The following ITPRID2 variants were observed in gnomAD, a reference collection of about 807,000 sequenced individuals.
ITPRID2 encodes protein ITPRID2.
A neutral mutation model predicts 124.3 loss-of-function variants in ITPRID2; 60 were observed. The observed-to-expected ratio is 0.48, with a 90% CI of 0.39 to 0.60. The LOEUF (loss-of-function observed/expected upper bound fraction) is 0.60. Among genes scored for constraint, ITPRID2 ranks in the 20% least tolerant of loss-of-function variants. The pLI is 0.00. For missense variants in ITPRID2, 1,553 were observed against 1,512.2 expected (o/e 1.03, Z -0.45); for synonymous variants, 521 against 542.9 (o/e 0.96, Z 0.56).
chr2:181,926,939 A>C (rs1425369646), intron 16 of ITPRID2, among the ~76,000 whole-genome samples: 2 of 152,212 alleles, frequency 1.3e-5, no homozygotes, highest in African/African-American at 4.8e-5. Flanking sequence ...TATCCAACAC[A>C]TACTTGTTTG....
intron 16 of ITPRID2, among the ~76,000 whole-genome samples, chr2:181,926,799 T>C (rs1427445500): frequency 1.3e-5 from 2 of 152,066 alleles, no homozygotes; most frequent in Non-Finnish European, 2.9e-5. Flanking sequence ...AATGGCCATA[T>C]TGCATTGGTA....
intron 9 of ITPRID2, among the ~76,000 whole-genome samples, chr2:181,911,357 A>C (rs569625924): frequency 6.6e-6 from 1 of 152,330 alleles, no homozygotes; most frequent in Admixed American, 6.5e-5. Flanking sequence ...AAATTATCTT[A>C]ATCTCAAATC....
At chr2:181,899,244 A>G in intron 6 of ITPRID2, 132 bp downstream of exon 6, 1 of 643,326 alleles carries the variant, frequency 1.6e-6, no homozygotes, top group South Asian at 2.2e-5. Context: ...TTCCTGTACC[A>G]GCACAACTGA....
In ITPRID2 at chr2:181,892,052, G is replaced by A. The variant is rs750070702; in HGVS notation, c.-15G>A. ...CGCAGGGTCCGGCTGGGGTAGCGGA[G>A]CCCCCAGTGCGGCCATGGACCGGCC... On this transcript the variant is annotated 5_prime_UTR_variant, in exon 1 of 18. Transcript: ENST00000431877. The surrounding 1 kb of genome is among the most constrained non-coding windows in gnomAD (Gnocchi z 5.2). The A allele has an allele frequency of 6.5e-7, 1 of 1,547,726 alleles. No individual in the cohort carries two copies.
At chr2:181,920,008 C>G (rs549353921) in intron 14 of ITPRID2, among the ~76,000 whole-genome samples, 63 of 152,040 alleles carry the variant, frequency 4.1e-4, no homozygotes, top group African/African-American at 1.4e-3. Context: ...TGTTTTTGTA[C>G]CACTTTTCAT....
chr2:181,909,812 T>C, intron 8 of ITPRID2, 87 bp from the exon 9 acceptor site: 1 of 955,836 alleles, frequency 1.0e-6, no homozygotes, highest in South Asian at 1.5e-5. Flanking sequence ...TGAGTTAGGT[T>C]GATTTGTTTA....
Position 181,919,224 on chromosome 2 carries a change from T to C in ITPRID2, c.2994-72T>C. ...ATGCCTTCTGTTAGCATATAGTAGT[T>C]GTTGAAAGATTTGTGATTAGGAATC... On this transcript the variant is annotated intron_variant, in intron 13 of 17. Transcript: ENST00000431877. This position sits in a 1 kb window ranked among gnomAD's most constrained non-coding sequence, Gnocchi z 4.2. 6.5e-7 allele frequency: 1 copy of C among 1,548,918 alleles called. No individual in the cohort carries two copies. Among genetic ancestry groups the C allele is most frequent in the Non-Finnish European group, 8.8e-7 (1 of 1,131,948 alleles).
intron 16 of ITPRID2, among the ~76,000 whole-genome samples, chr2:181,922,921 C>CA (rs113631537): frequency 0.011 from 1,529 of 141,972 alleles, 21 homozygotes; most frequent in African/African-American, 0.033. Context: ...GACTCCATCT[C>CA]AAAAAAAAAA....
chr2:181,910,492 C>A lies in ITPRID2; in HGVS notation c.1486+521C>A. ...CCTCTCTTAAATTATTAATTATTGA[C>A]CAAAGAACCTTTGAATCCATCCCTT... On this transcript the variant is annotated intron_variant, in intron 9 of 17. Transcript: ENST00000431877. The surrounding 1 kb of genome is among the most constrained non-coding windows in gnomAD (Gnocchi z 4.1). 4.9e-6 allele frequency: 3 copies of A among 611,374 alleles called. No individual in the cohort carries two copies. Among genetic ancestry groups the A allele is most frequent in the Non-Finnish European group, 5.9e-6 (2 of 340,848 alleles). The allele number at this position is 611,374 out of a possible 1,614,324, so 37.9% of individuals were successfully genotyped here.
chr2:181,901,757 T>C lies in ITPRID2; in HGVS notation c.713-9T>C, dbSNP rs189237983. 8.9e-6 allele frequency: 14 copies of C among 1,571,198 alleles called. No homozygotes were observed. Among genetic ancestry groups the C allele is most frequent in the Non-Finnish European group, 1.7e-6 (2 of 1,161,818 alleles). On this transcript the variant is annotated splice_polypyrimidine_tract_variant and intron_variant, in intron 7 of 17. Transcript: ENST00000431877. ...ATAAACATATCATTAATATTGTTTC[T>C]TTTGGTAGGCCGTTTTCGTCAAATT...
In ITPRID2 at chr2:181,910,460, T is replaced by TA. The variant is rs1693512967; in HGVS notation, c.1486+490dup. On this transcript the variant is annotated intron_variant, in intron 9 of 17. Transcript: ENST00000431877. This position sits in a 1 kb window ranked among gnomAD's most constrained non-coding sequence, Gnocchi z 4.1. ...TGGGTCGAAGGTGAGTGGTTGTAGA[T>TA]ACTGTTCCTCTCTTAAATTATTAAT... is the stretch of plus-strand genomic sequence containing the variant. The TA allele has an allele frequency of 1.7e-6, 1 of 572,218 alleles. No individual in the cohort carries two copies. The highest frequency in any genetic ancestry group is 3.5e-5 in the Admixed American group (1 of 28,470). 35.4% of individuals were successfully genotyped at this position (572,218 alleles called of 1,614,324 possible). A position where few individuals can be genotyped will look rare whatever the true frequency, so the allele number is the denominator to read the frequency against.
chr2:181,894,291 G>A (rs1400125068), intron 2 of ITPRID2: 1 of 152,142 alleles, frequency 6.6e-6, no homozygotes, highest in Non-Finnish European at 1.5e-5. Flanking sequence ...ACATTCACCA[G>A]GGCACAGTCA....
At chr2:181,898,751 A>C (rs1692416034) in intron 4 of ITPRID2, 129 bp from the exon 5 acceptor site, 2 of 744,546 alleles carry the variant, frequency 2.7e-6, no homozygotes, top group African/African-American at 1.8e-5. Flanking sequence ...TTAATGGACC[A>C]AGATAAGTGT....
In ITPRID2 at chr2:181,919,169, T is replaced by G; in HGVS notation, c.2994-127T>G. On this transcript the variant is annotated intron_variant, in intron 13 of 17. Transcript: ENST00000431877. This position sits in a 1 kb window ranked among gnomAD's most constrained non-coding sequence, Gnocchi z 4.2. ...GTGGATACACCTATTGTAGTTGATA[T>G]TGTACTAATTTCTAGAACCTGAGAT... 1.9e-6 allele frequency: 2 copies of G among 1,063,440 alleles called. No homozygotes were observed. Among genetic ancestry groups the G allele is most frequent in the South Asian group, 3.0e-5 (2 of 66,636 alleles). 65.9% of individuals were successfully genotyped at this position (1,063,440 alleles called of 1,614,324 possible).
chr2:181,904,066 A>G (rs1692895984), intron 8 of ITPRID2, among the ~76,000 whole-genome samples: 1 of 152,226 alleles, frequency 6.6e-6, no homozygotes, highest in Non-Finnish European at 1.5e-5. Flanking sequence ...AAAGAAGTCA[A>G]GGAAGTTTAT....
chr2:181,924,748 A>G (rs1451563469), intron 16 of ITPRID2, among the ~76,000 whole-genome samples: 4 of 152,234 alleles, frequency 2.6e-5, no homozygotes, highest in South Asian at 2.1e-4. Flanking sequence ...GACAACATTG[A>G]AAGTCTTTTC....
chr2:181,915,772 G>A lies in ITPRID2; in HGVS notation c.2132G>A (p.Gly711Glu), dbSNP rs755683539. Residue 711 changes from glycine (G) to glutamate (E), a missense_variant, in exon 11 of 18, where the codon GGG becomes GAG. Gly to Glu is a moderately conservative substitution (Grantham distance 98). Coordinates refer to ENST00000431877, the MANE Select transcript of ITPRID2 (RefSeq NM_001130445.3). ...TGCAGTCTGTCTAATCAAAGGATGGGGCGTAGCCTGCTAAAATCAAAAGAT... is the reference window on the plus strand; with the variant it reads ...TGCAGTCTGTCTAATCAAAGGATGGAGCGTAGCCTGCTAAAATCAAAAGAT... The part of the protein sequence containing the change: ...KVCSLSNQRM[G>E]RSLLKSKDLL... 4.3e-6 allele frequency: 7 copies of A among 1,613,980 alleles called. No individual in the cohort carries two copies. The South Asian group carries it at 5.5e-5, about 13-fold the overall frequency.
chr2:181,915,946 C>T lies in ITPRID2; in HGVS notation c.2306C>T (p.Pro769Leu), dbSNP rs763663330. The T allele has an allele frequency of 6.2e-7, 1 of 1,614,186 alleles. No individual in the cohort carries two copies. Among genetic ancestry groups the T allele is most frequent in the Non-Finnish European group, 8.5e-7 (1 of 1,180,038 alleles). Residue 769 changes from proline to leucine, a missense_variant, in exon 11 of 18, where the codon CCT (proline) becomes CTT (leucine). By Grantham distance (98) the Pro-to-Leu change is moderately conservative. Transcript: ENST00000431877. ...SPGKETRCSPPSFTYKYTPEE... is the reference protein window; with the variant it reads ...SPGKETRCSPLSFTYKYTPEE... The stretch of plus-strand genomic sequence containing the variant: ...GGAAAAGAGACCAGATGCAGCCCAC[C>T]TTCCTTCACCTATAAGTACACACCT...
rs1201223550 is a variant in ITPRID2, at chr2:181,891,748, C to T, written c.-319C>T. The T allele has an allele frequency of 3.0e-4, 47 of 155,862 alleles. No homozygotes were observed. Among genetic ancestry groups the T allele is most frequent in the Admixed American group, 2.0e-4 (3 of 15,154 alleles). The allele number at this position is 155,862 out of a possible 1,614,324, so 9.7% of individuals were successfully genotyped here. On this transcript the variant is annotated 5_prime_UTR_variant, in exon 1 of 18. Coordinates refer to ENST00000431877, the MANE Select transcript of ITPRID2 (RefSeq NM_001130445.3). ...GGCGCGCAGACGCGCAGCGGCCGGC[C>T]TGCTCCGGGCGCGTCAGGCAGGGGG... is the stretch of plus-strand genomic sequence containing the variant.
Sources: allele counts gnomAD v4.1 joint callset (sites outside exome capture counted in the v4.1 genomes callset), GRCh38; gene constraint gnomAD v4.1.1; non-coding constraint Gnocchi (gnomAD v3.1); transcripts MANE v1.5; gene names NCBI Gene and HGNC (gene_info 2026-07-23, HGNC 2026-07-21).